The following PRKAA2 variants were observed in gnomAD, a reference collection of about 807,000 sequenced individuals.
PRKAA2 encodes protein kinase AMP-activated catalytic subunit alpha 2.
A neutral mutation model predicts 56.3 loss-of-function variants in PRKAA2; 40 were observed. The ratio of observed to expected loss-of-function variants is 0.71; its 90% CI spans 0.55 to 0.92. The LOEUF (loss-of-function observed/expected upper bound fraction) is 0.92, where lower values mean the gene tolerates loss of function less well. Among genes scored for constraint, PRKAA2 ranks in the 40% least tolerant of loss-of-function variants. The pLI, the probability that PRKAA2 is intolerant of heterozygous loss-of-function variation, is 0.00. For synonymous variants in PRKAA2, 214 were observed against 234.2 expected (o/e 0.91, Z 0.79); for missense variants, 542 against 686.9 (o/e 0.79, Z 2.36).
chr1:56,657,016 T>C (rs558781033), intron 1 of PRKAA2, among the ~76,000 whole-genome samples: 1 of 152,274 alleles, frequency 6.6e-6, no homozygotes, highest in East Asian at 1.9e-4. Context: ...ATTCTAAAAC[T>C]GATTAAATGC....
intron 2 of PRKAA2, among the ~76,000 whole-genome samples, chr1:56,680,557 G>A (rs1294355760): frequency 6.6e-6 from 1 of 151,982 alleles, no homozygotes. Context: ...CCCTTCCTGT[G>A]TCCAAGTGTT....
chr1:56,656,896 T>G (rs1280838522), intron 1 of PRKAA2, among the ~76,000 whole-genome samples: 1 of 152,214 alleles, frequency 6.6e-6, no homozygotes. Context: ...AATGTCATCT[T>G]GAATCCAAGA....
intron 1 of PRKAA2, among the ~76,000 whole-genome samples, chr1:56,657,538 T>A (rs973340737): frequency 6.6e-6 from 1 of 151,996 alleles, no homozygotes; most frequent in Non-Finnish European, 1.5e-5. Context: ...TGGCCAGATG[T>A]GGTAGCACAC....
At chr1:56,693,928 A>T in intron 5 of PRKAA2, 76 bp downstream of exon 5, 3 of 991,018 alleles carry the variant, frequency 3.0e-6, no homozygotes, top group South Asian at 2.0e-5. Flanking sequence ...TATATTCTCT[A>T]TGGAAGGTAA....
chr1:56,674,282 A>T, intron 1 of PRKAA2, 99 bp from the exon 2 acceptor site: 1 of 1,000,346 alleles, frequency 1.0e-6, no homozygotes, highest in South Asian at 2.0e-5. Flanking sequence ...TAAAGATGGT[A>T]TATATGAGTA....
intron 6 of PRKAA2, among the ~76,000 whole-genome samples, chr1:56,703,516 A>G (rs2100436410): frequency 6.6e-6 from 1 of 152,224 alleles, no homozygotes; most frequent in Non-Finnish European, 1.5e-5. Context: ...ATTATTTTGT[A>G]TTAGTTGAAG....
At chr1:56,674,592 T>C in intron 2 of PRKAA2, 70 bp downstream of exon 2, 3 of 1,207,426 alleles carry the variant, frequency 2.5e-6, no homozygotes, top group Non-Finnish European at 3.4e-6. Context: ...AATTTTATAA[T>C]AATTGTTAAT....
intron 1 of PRKAA2, among the ~76,000 whole-genome samples, chr1:56,650,435 T>A (rs2100377390): frequency 6.6e-6 from 1 of 152,328 alleles, no homozygotes; most frequent in East Asian, 1.9e-4. Flanking sequence ...CTGGGTAGGG[T>A]AAAACTGTTA....
intron 4 of PRKAA2, among the ~76,000 whole-genome samples, chr1:56,692,794 T>G (rs937590728): frequency 6.6e-6 from 1 of 151,258 alleles, no homozygotes; most frequent in Non-Finnish European, 1.5e-5. Flanking sequence ...TTTTTTTGTT[T>G]TTTTTTTTTT....
intron 1 of PRKAA2, among the ~76,000 whole-genome samples, chr1:56,671,273 T>C (rs759534771): frequency 5.3e-5 from 8 of 152,118 alleles, no homozygotes; most frequent in Non-Finnish European, 1.0e-4. Flanking sequence ...AAAGGCTAAA[T>C]CCCCATTGTA....
At chr1:56,696,582 TTCA>T (rs1644260624) in intron 6 of PRKAA2, among the ~76,000 whole-genome samples, 1 of 152,196 alleles carries the variant, frequency 6.6e-6, no homozygotes, top group Non-Finnish European at 1.5e-5. Context: ...GTGTGTCTTA[TTCA>T]TCTTTGACTA....
At position 56,708,389 on chromosome 1, in the gene PRKAA2, T is replaced by G. The variant is rs867363919; in HGVS notation, c.*676T>G. 1 of 152,320 alleles carries G rather than the reference T, an allele frequency of 6.6e-6. No individual in the cohort carries two copies. Among genetic ancestry groups the G allele is most frequent in the Middle Eastern group, 3.4e-3 (1 of 294 alleles). 9.4% of individuals were successfully genotyped at this position (152,320 alleles called of 1,614,324 possible). ...CTTGAGATTTCCCTGAATAATATAT[T>G]TATCTTAAGAGCCTTCAAGTTTCAA... is the stretch of plus-strand genomic sequence containing the variant. On this transcript the variant is annotated 3_prime_UTR_variant, in exon 9 of 9. Transcript: ENST00000371244.
Position 56,706,287 on chromosome 1 carries a change from TC to T in PRKAA2, c.1420+70del. ...GGCACTAGTTGACCAGATGTTAAAA[TC>T]ATCTCGAAGACATCCGGTGGGTAGG... is the stretch of plus-strand genomic sequence containing the variant. On this transcript the variant is annotated intron_variant, in intron 8 of 8. Coordinates refer to ENST00000371244, the MANE Select transcript of PRKAA2 (RefSeq NM_006252.4). 4.5e-6 allele frequency: 7 copies of T among 1,559,212 alleles called. No individual in the cohort carries two copies. The South Asian group carries it at 8.4e-5, about 19-fold the overall frequency.
In PRKAA2 at chr1:56,710,346, A is replaced by C. The variant is rs549216879; in HGVS notation, c.*2633A>C. On this transcript the variant is annotated 3_prime_UTR_variant, in exon 9 of 9. Coordinates refer to ENST00000371244, the MANE Select transcript of PRKAA2 (RefSeq NM_006252.4). ...CTAAGTTTGAAAAATGTTGCATGCT[A>C]CTCTTCCCCTCGAAGATGACAGTGG... 1 of 151,952 alleles carries C rather than the reference A, an allele frequency of 6.6e-6. No individual in the cohort carries two copies. Among genetic ancestry groups the C allele is most frequent in the Admixed American group, 6.6e-5 (1 of 15,242 alleles). 9.4% of individuals were successfully genotyped at this position (151,952 alleles called of 1,614,324 possible). A position where few individuals can be genotyped will look rare whatever the true frequency, so the allele number is the denominator to read the frequency against.
intron 1 of PRKAA2, among the ~76,000 whole-genome samples, chr1:56,664,094 C>A (rs1354249104): frequency 6.6e-6 from 1 of 152,064 alleles, no homozygotes. Context: ...TGAGACCCTG[C>A]CTCAACACAA....
rs1202269056 is a variant in PRKAA2 at position 56,693,637 on chromosome 1, T to C, written c.476-128T>C. ...TTTCCAGTTAAATGCTTTCCACTGC[T>C]TTTTTTTAATAACTTAAAAAAAAAT... is the stretch of plus-strand genomic sequence containing the variant. On this transcript the variant is annotated intron_variant, in intron 4 of 8. Transcript: ENST00000371244. 5 of 544,328 alleles carry C rather than the reference T, an allele frequency of 9.2e-6. No individual in the cohort carries two copies. The African/African-American group carries it at 9.7e-5, about 11-fold the overall frequency. 33.7% of individuals were successfully genotyped at this position (544,328 alleles called of 1,614,324 possible). A position where few individuals can be genotyped will look rare whatever the true frequency, so the allele number is the denominator to read the frequency against.
At chr1:56,695,202 A>ATT (rs200126678) in intron 5 of PRKAA2, among the ~76,000 whole-genome samples, 46 of 113,174 alleles carry the variant, frequency 4.1e-4, no homozygotes, top group African/African-American at 1.6e-3. Context: ...ATATATATAT[A>ATT]TTTTTTGTTT....
intron 1 of PRKAA2, among the ~76,000 whole-genome samples, 179 bp from the exon 2 acceptor site, chr1:56,674,202 C>T (rs1469816504): frequency 6.6e-6 from 1 of 152,032 alleles, no homozygotes; most frequent in Admixed American, 6.6e-5. Context: ...AGTTTCTGTC[C>T]TCAGAGAGTG....
In PRKAA2 at chr1:56,704,150, C is replaced by G; in HGVS notation, c.968C>G (p.Ala323Gly). Residue 323 changes from alanine (A) to glycine (G), a missense_variant, in exon 7 of 9, where the codon GCT becomes GGT. By Grantham distance (60) the Ala-to-Gly change is moderately conservative. This residue lies in a region of PRKAA2 where 198 missense variants were observed against 234.0 expected (regional missense o/e 0.85). Transcript: ENST00000371244. Reference protein sequence around the residue: ...SGDPQDQLAVAYHLIIDNRRI... With the variant: ...SGDPQDQLAVGYHLIIDNRRI... ...GACCCTCAAGACCAGCTTGCAGTGG[C>G]TTATCATCTTATCATTGACAATCGG... 1 of 1,614,104 alleles carries G rather than the reference C, an allele frequency of 6.2e-7. No individual in the cohort carries two copies. Among genetic ancestry groups the G allele is most frequent in the Non-Finnish European group, 8.5e-7 (1 of 1,179,986 alleles).
Sources: allele counts gnomAD v4.1 joint callset (sites outside exome capture counted in the v4.1 genomes callset), GRCh38; gene constraint gnomAD v4.1.1; regional missense constraint gnomAD v4.1.1; transcripts MANE v1.5; gene names NCBI Gene and HGNC (gene_info 2026-07-23, HGNC 2026-07-21).